Variants in SLC5A10 observed in about 807,000 individuals in gnomAD.
SLC5A10 encodes solute carrier family 5 member 10.
Under a neutral mutation model 68.9 loss-of-function variants are expected in SLC5A10, and 55 were observed. That is an observed-to-expected ratio of 0.80 (90% CI 0.64 to 1.00). SLC5A10 has a LOEUF of 1.00. Ranked by LOEUF, SLC5A10 falls within the 50% of genes least tolerant of loss-of-function variation. SLC5A10 has a pLI of 0.00. For synonymous variants in SLC5A10, 344 were observed against 344.8 expected, an observed-to-expected ratio of 1.00 and a Z score of 0.02; for missense variants, 732 against 819.3, an observed-to-expected ratio of 0.89 and a Z score of 1.30.
chr17:18,959,622 G>T lies in SLC5A10; in HGVS notation c.307G>T (p.Ala103Ser). 1 of 1,613,994 alleles carries T rather than the reference G, an allele frequency of 6.2e-7. No individual in the cohort carries two copies. Among genetic ancestry groups the T allele is most frequent in the Non-Finnish European group, 8.5e-7 (1 of 1,180,008 alleles). ...CCCATAGGCCACGTACGTGCTGCTG[G>T]CACTGGCATGGGTGTTCGTGCCCAT... ...FEWNATYVLLALAWVFVPIYI... is the reference protein window; with the variant it reads ...FEWNATYVLLSLAWVFVPIYI... Residue 103 changes from alanine to serine, a missense_variant, in exon 4 of 15, where the codon GCA becomes TCA. Transcript: ENST00000395645.
At chr17:18,954,331 G>T (rs751523138) in intron 1 of SLC5A10, among the ~76,000 whole-genome samples, 1 of 152,122 alleles carries the variant, frequency 6.6e-6, no homozygotes, top group Non-Finnish European at 1.5e-5. Flanking sequence ...GGGCACCTGA[G>T]GCCAGACCCT....
chr17:18,984,456 C>T (rs149685597), intron 9 of SLC5A10, among the ~76,000 whole-genome samples: 7 of 152,252 alleles, frequency 4.6e-5, no homozygotes, highest in Non-Finnish European at 7.4e-5. Flanking sequence ...ACCTGGGCAG[C>T]GGAAGGGCTG....
At chr17:18,976,572 G>C in intron 8 of SLC5A10, 1 of 403,362 alleles carries the variant, frequency 2.5e-6, no homozygotes, top group South Asian at 4.8e-5. Context: ...ATTGCCAGGG[G>C]TGGTGGGCTG....
At chr17:19,020,255 C>G (rs2044239707) in intron 14 of SLC5A10, 43 bp downstream of exon 14, 1 of 1,613,726 alleles carries the variant, frequency 6.2e-7, no homozygotes, top group Non-Finnish European at 8.5e-7. Flanking sequence ...TGACCCTGGC[C>G]TGGAGGCAAG....
Position 18,996,534 on chromosome 17 carries a change from C to T in SLC5A10, c.983-16876C>T, listed in dbSNP as rs1002765611. Among the ~76,000 whole-genome samples the T allele has an allele frequency of 6.6e-5, 10 of 152,156 alleles. No individual in the cohort carries two copies. Among genetic ancestry groups the T allele is most frequent in the Non-Finnish European group, 1.3e-4 (9 of 68,034 alleles). The stretch of plus-strand genomic sequence containing the variant: ...TATAATGTCTCTGAAAGTCTGTCAC[C>T]GAGAGGACTAGTTTAGCTAACAGTC... On this transcript the variant is annotated intron_variant, in intron 9 of 14. Coordinates refer to ENST00000395645, the MANE Select transcript of SLC5A10 (RefSeq NM_001042450.4). The surrounding 1 kb of genome is among the most constrained non-coding windows in gnomAD (Gnocchi z 4.4).
At chr17:18,988,212 C>T in intron 9 of SLC5A10, 1 of 1,598,516 alleles carries the variant, frequency 6.3e-7, no homozygotes, top group Non-Finnish European at 8.6e-7. Flanking sequence ...GACCCCTGCC[C>T]TCCAGCCACC....
chr17:18,975,519 A>G (rs2042953942), intron 8 of SLC5A10, among the ~76,000 whole-genome samples: 1 of 151,856 alleles, frequency 6.6e-6, no homozygotes, highest in African/African-American at 2.4e-5. Flanking sequence ...GTAAAACCCC[A>G]TCTCTACTAA....
At chr17:19,014,848 C>T (rs1030936802) in intron 10 of SLC5A10, among the ~76,000 whole-genome samples, 3 of 152,178 alleles carry the variant, frequency 2.0e-5, no homozygotes, top group East Asian at 1.9e-4. Context: ...GAAGTCCCCA[C>T]GGTTTGTCCT....
At position 18,971,435 on chromosome 17, in the gene SLC5A10, C is replaced by T; in HGVS notation, c.846+217C>T. The T allele has an allele frequency of 1.2e-6, 2 of 1,613,848 alleles. No homozygotes were observed. Among genetic ancestry groups the T allele is most frequent in the Non-Finnish European group, 1.7e-6 (2 of 1,180,018 alleles). On this transcript the variant is annotated intron_variant, in intron 8 of 14. Coordinates refer to ENST00000395645, the MANE Select transcript of SLC5A10 (RefSeq NM_001042450.4). This position sits in a 1 kb window ranked among gnomAD's most constrained non-coding sequence, Gnocchi z 5.5. Reference sequence around the variant, plus strand: ...TGAGGCCCACTGGCTACCGCCCGTCCTGGCCTTTAGGTGCTTCGACTGAGA... The same window carrying T: ...TGAGGCCCACTGGCTACCGCCCGTCTTGGCCTTTAGGTGCTTCGACTGAGA...
At chr17:18,956,369 C>G (rs190163377) in intron 1 of SLC5A10, among the ~76,000 whole-genome samples, 24 of 151,428 alleles carry the variant, frequency 1.6e-4, no homozygotes, top group African/African-American at 5.6e-4. Context: ...GTGATCCAGC[C>G]TTATGTATGT....
chr17:18,985,926 T>C (rs1369689390), intron 9 of SLC5A10, among the ~76,000 whole-genome samples: 1 of 152,250 alleles, frequency 6.6e-6, no homozygotes, highest in African/African-American at 2.4e-5. Context: ...ATTTAGAATG[T>C]GTGGTTCTTG....
intron 9 of SLC5A10, chr17:18,978,302 GC>G: frequency 6.2e-7 from 1 of 1,611,134 alleles, no homozygotes; most frequent in South Asian, 1.1e-5. Flanking sequence ...CTGGGCGCTG[GC>G]CTGGGAGGTG....
intron 4 of SLC5A10, among the ~76,000 whole-genome samples, 178 bp downstream of exon 4, chr17:18,959,841 TCTATCAA>T (rs1355376773): frequency 7.2e-6 from 1 of 139,858 alleles, no homozygotes; most frequent in East Asian, 1.9e-4. Flanking sequence ...GACTAATATT[TCTATCAA>T]CCTGCTAAGG....
At chr17:18,993,437 G>C (rs2043482007) in intron 9 of SLC5A10, among the ~76,000 whole-genome samples, 1 of 152,026 alleles carries the variant, frequency 6.6e-6, no homozygotes, top group Non-Finnish European at 1.5e-5. Flanking sequence ...TCGGGTAAGA[G>C]GGGACAGTTT....
At chr17:18,992,394 G>C (rs2043450091) in intron 9 of SLC5A10, among the ~76,000 whole-genome samples, 2 of 152,198 alleles carry the variant, frequency 1.3e-5, no homozygotes, top group Non-Finnish European at 2.9e-5. Context: ...CCAACACCTG[G>C]GCAGTGACCG....
chr17:18,959,152 C>A lies in SLC5A10; in HGVS notation c.201C>A (p.Phe67Leu). 1 of 1,611,756 alleles carries A rather than the reference C, an allele frequency of 6.2e-7. No homozygotes were observed. Among genetic ancestry groups the A allele is most frequent in the Non-Finnish European group, 8.5e-7 (1 of 1,178,222 alleles). ...MTWWPIGASL[F>L]ASSEGSGLFI... is the part of the protein sequence containing the mutation. ...TCCTCCAGATTGGAGCCTCCCTCTT[C>A]GCCAGCAGCGAGGGCTCTGGCCTCT... The change falls in exon 3 of 15, where the codon TTC (phenylalanine) becomes TTA (leucine). Residue 67 changes from phenylalanine to leucine, a missense_variant. Transcript: ENST00000395645.
At chr17:18,961,519 C>T (rs1199695019) in intron 5 of SLC5A10, among the ~76,000 whole-genome samples, 2 of 152,180 alleles carry the variant, frequency 1.3e-5, no homozygotes, top group African/African-American at 4.8e-5. Flanking sequence ...GTGAGGGCTG[C>T]TGTGTCTGCG....
chr17:18,978,546 G>T, intron 9 of SLC5A10: 1 of 1,613,302 alleles, frequency 6.2e-7, no homozygotes, highest in South Asian at 1.1e-5. Flanking sequence ...TTCAGCCCCA[G>T]GGGCTTCTTG....
chr17:18,994,676 C>T (rs2043519385), intron 9 of SLC5A10, among the ~76,000 whole-genome samples: 1 of 152,102 alleles, frequency 6.6e-6, no homozygotes, highest in Admixed American at 6.5e-5. Context: ...ACACACAGGT[C>T]CTGCAGGGGG....
Sources: allele counts gnomAD v4.1 joint callset (sites outside exome capture counted in the v4.1 genomes callset), GRCh38; gene constraint gnomAD v4.1.1; non-coding constraint Gnocchi (gnomAD v3.1); transcripts MANE v1.5; gene names NCBI Gene and HGNC (gene_info 2026-07-23, HGNC 2026-07-21).